Variants in CEP112 observed in about 807,000 individuals in gnomAD.
CEP112 encodes the protein centrosomal protein of 112 kDa.
CEP112 carries 127 observed loss-of-function variants against 153.0 expected under a neutral mutation model. The observed-to-expected ratio is 0.83, with a 90% confidence interval of 0.72 to 0.96. The LOEUF (loss-of-function observed/expected upper bound fraction) is 0.96. Among genes scored for constraint, CEP112 ranks in the 40% least tolerant of loss-of-function variants. CEP112 has a pLI of 0.00. For missense variants in CEP112, 1,089 were observed against 1,101.2 expected (o/e 0.99, Z 0.16); for synonymous variants, 358 against 374.4 (o/e 0.96, Z 0.51).
intron 12 of CEP112, among the ~76,000 whole-genome samples, chr17:66,043,694 G>A (rs995149776): frequency 2.6e-5 from 4 of 151,976 alleles, no homozygotes; most frequent in South Asian, 2.1e-4. Context: ...TTATATTTAC[G>A]TTTTAATATT....
In CEP112 at chr17:65,732,848, T is replaced by TGTG. The variant is rs1265438538; in HGVS notation, c.2607+10217_2607+10219dup. On this transcript the variant is annotated intron_variant, in intron 23 of 26. Coordinates refer to ENST00000535342, the MANE Select transcript of CEP112 (RefSeq NM_001199165.4). ...ATCAGACTTTGGCTTAAGGAAAGGT[T>TGTG]GTGGTTAGTTTGATCTTCTACTAGA... is the stretch of plus-strand genomic sequence containing the variant. Among the ~76,000 whole-genome samples, 7 of 152,340 alleles carry TGTG rather than the reference T, an allele frequency of 4.6e-5. No homozygotes were observed. In the East Asian group the frequency reaches 5.8e-4, roughly 13 times the overall value.
intron 4 of CEP112, among the ~76,000 whole-genome samples, chr17:66,145,086 C>T (rs1350422013): frequency 6.6e-6 from 1 of 152,056 alleles, no homozygotes; most frequent in African/African-American, 2.4e-5. Flanking sequence ...CTTTATAATC[C>T]TAAGGGGTAT....
intron 24 of CEP112, among the ~76,000 whole-genome samples, chr17:65,676,763 C>T (rs2047255392): frequency 6.6e-6 from 1 of 152,198 alleles, no homozygotes; most frequent in African/African-American, 2.4e-5. Flanking sequence ...CATTTACCTT[C>T]CTGTTTATGA....
At chr17:65,738,745 GTTAA>G (rs2050949270) in intron 23 of CEP112, among the ~76,000 whole-genome samples, 1 of 152,180 alleles carries the variant, frequency 6.6e-6, no homozygotes, top group Non-Finnish European at 1.5e-5. Context: ...ATGCCGCAAT[GTTAA>G]TTAATGTTGA....
intron 20 of CEP112, among the ~76,000 whole-genome samples, chr17:65,886,797 G>C (rs1400773745): frequency 6.7e-6 from 1 of 149,040 alleles, no homozygotes; most frequent in Non-Finnish European, 1.5e-5. Context: ...AGACATTCCT[G>C]AGCTCAATCT....
chr17:65,754,645 A>T (rs66792807), intron 21 of CEP112, among the ~76,000 whole-genome samples: 37,410 of 151,884 alleles, frequency 0.25, 5,834 homozygotes, highest in Middle Eastern at 0.42. Context: ...ATAAAATAAA[A>T]TACAATACAG....
intron 20 of CEP112, among the ~76,000 whole-genome samples, chr17:65,883,266 A>AT (rs2059151611): frequency 7.0e-6 from 1 of 143,850 alleles, no homozygotes; most frequent in Admixed American, 7.3e-5. Flanking sequence ...AAGTTTACAT[A>AT]TATATATATA....
At chr17:65,929,270 A>T (rs1339623974) in intron 18 of CEP112, among the ~76,000 whole-genome samples, 2 of 152,180 alleles carry the variant, frequency 1.3e-5, no homozygotes, top group Admixed American at 1.3e-4. Context: ...ATTCCACCAC[A>T]CCCATGAGGC....
intron 12 of CEP112, among the ~76,000 whole-genome samples, chr17:66,036,297 G>A (rs1390116258): frequency 2.6e-5 from 4 of 152,126 alleles, no homozygotes; most frequent in Non-Finnish European, 4.4e-5. Flanking sequence ...CAATAATATC[G>A]TGCCTATAGT....
chr17:65,661,819 T>A (rs1452622154), intron 24 of CEP112: 1 of 152,194 alleles, frequency 6.6e-6, no homozygotes, highest in Non-Finnish European at 1.5e-5. Context: ...TTTCATCTGC[T>A]CTAGGTGAGA....
intron 6 of CEP112, among the ~76,000 whole-genome samples, chr17:66,110,758 C>G (rs1279495177): frequency 1.3e-5 from 2 of 151,654 alleles, no homozygotes; most frequent in South Asian, 2.1e-4. Flanking sequence ...TATAAAAACC[C>G]TGGAAGAGAA....
At chr17:66,125,353 C>T (rs1261367968) in intron 6 of CEP112, among the ~76,000 whole-genome samples, 1 of 151,962 alleles carries the variant, frequency 6.6e-6, no homozygotes, top group Non-Finnish European at 1.5e-5. Context: ...CAGACCATTG[C>T]GTAGTATGAA....
At chr17:65,669,056 G>A (rs1289333561) in intron 24 of CEP112, among the ~76,000 whole-genome samples, 2 of 152,118 alleles carry the variant, frequency 1.3e-5, no homozygotes, top group Non-Finnish European at 2.9e-5. Context: ...TTCTAGTCTC[G>A]CAGTGAATTT....
At chr17:66,062,542 CA>C (rs1433175184) in intron 11 of CEP112, among the ~76,000 whole-genome samples, 1 of 151,854 alleles carries the variant, frequency 6.6e-6, no homozygotes, top group African/African-American at 2.4e-5. Flanking sequence ...ACATGTCAAT[CA>C]AAAATAAAAT....
At chr17:66,088,013 C>T (rs924884028) in intron 8 of CEP112, among the ~76,000 whole-genome samples, 2 of 151,626 alleles carry the variant, frequency 1.3e-5, no homozygotes, top group African/African-American at 4.9e-5. Flanking sequence ...CCAGACTGGC[C>T]CAGTAGATTT....
intron 18 of CEP112, among the ~76,000 whole-genome samples, chr17:65,958,324 C>CT (rs1222485383): frequency 1.3e-5 from 2 of 152,054 alleles, no homozygotes; most frequent in Non-Finnish European, 2.9e-5. Flanking sequence ...GGAATCACCA[C>CT]TTTTTTTTAC....
At chr17:66,005,165 G>A (rs2145437370) in intron 17 of CEP112, among the ~76,000 whole-genome samples, 1 of 152,214 alleles carries the variant, frequency 6.6e-6, no homozygotes, top group South Asian at 2.1e-4. Flanking sequence ...CTAGTAATAG[G>A]AGAGCCCAAT....
At chr17:65,953,366 C>T (rs1402118956) in intron 18 of CEP112, among the ~76,000 whole-genome samples, 8 of 152,126 alleles carry the variant, frequency 5.3e-5, no homozygotes, top group Non-Finnish European at 1.2e-4. Context: ...TCTCCGATGG[C>T]CAGAGAAGTG....
intron 21 of CEP112, among the ~76,000 whole-genome samples, chr17:65,776,825 C>T (rs2053707154): frequency 1.3e-5 from 2 of 152,158 alleles, no homozygotes; most frequent in African/African-American, 4.8e-5. Flanking sequence ...TATCAATTTA[C>T]ACTCATATAT....
Sources: gnomAD v4.1 joint callset for allele counts (sites outside exome capture counted in the v4.1 genomes callset) on GRCh38, gnomAD v4.1.1 for gene constraint, MANE v1.5 for transcripts, NCBI Gene and HGNC (gene_info 2026-07-23, HGNC 2026-07-21) for gene names.